DDO: variants seen among roughly 807,000 people sequenced by gnomAD.
DDO encodes the protein D-aspartate oxidase.
In DDO, 16 loss-of-function variants were observed where a neutral mutation model predicts 16.8. That is an observed-to-expected ratio of 0.95 (90% CI 0.65 to 1.45). DDO has a LOEUF of 1.45. DDO is among the 40% of genes most tolerant of loss of function. DDO has a pLI of 0.00. For synonymous variants in DDO, 180 were observed against 167.2 expected (o/e 1.08, Z -0.59); for missense variants, 429 against 420.3 (o/e 1.02, Z -0.18).
intron 4 of DDO, among the ~76,000 whole-genome samples, chr6:110,403,145 T>C (rs1773535770): frequency 6.6e-6 from 1 of 152,182 alleles, no homozygotes; most frequent in Admixed American, 6.5e-5. Flanking sequence ...TCTAAAAATG[T>C]TATGCATTGT....
In DDO at chr6:110,392,507, G is replaced by GT. The variant is rs970531007; in HGVS notation, c.*267dup. 91 of 1,152,942 alleles carry GT rather than the reference G, an allele frequency of 7.9e-5. No individual in the cohort carries two copies. The highest frequency in any genetic ancestry group is 2.1e-4 in the East Asian group (5 of 23,840). 71.4% of individuals were successfully genotyped at this position (1,152,942 alleles called of 1,614,324 possible). A position where few individuals can be genotyped will look rare whatever the true frequency, so the allele number is the denominator to read the frequency against. On this transcript the variant is annotated 3_prime_UTR_variant, in exon 5 of 5. Transcript: ENST00000368924. ...TTGCATCATTTCTTTTGTTGTTGGT[G>GT]TTTTTTTTAGAGGTGGGAACTGGCA...
intron 4 of DDO, among the ~76,000 whole-genome samples, chr6:110,397,325 T>A (rs9400380): frequency 0.32 from 48,185 of 152,144 alleles, 7,850 homozygotes; most frequent in East Asian, 0.41. Context: ...TTATGTTTCA[T>A]TAAGGATGAT....
chr6:110,414,884 G>A (rs933098078), intron 1 of DDO, among the ~76,000 whole-genome samples: 9 of 152,236 alleles, frequency 5.9e-5, no homozygotes, highest in African/African-American at 2.2e-4. Flanking sequence ...TGGAAGGCTG[G>A]GCAGCTTCCT....
chr6:110,410,697 G>A (rs1449679699), intron 2 of DDO, among the ~76,000 whole-genome samples: 7 of 152,074 alleles, frequency 4.6e-5, no homozygotes, highest in Non-Finnish European at 1.0e-4. Context: ...AGCAGCATGG[G>A]GTAACTGTCT....
rs534660482 is a variant in DDO at position 110,411,425 on chromosome 6, C to T, written c.172+1866G>A. On this transcript the variant is annotated intron_variant, in intron 2 of 4. Coordinates refer to ENST00000368924, the MANE Select transcript of DDO (RefSeq NM_001372108.2). ...TTTGGAGATGACAGATACTCAGATA[C>T]TATTCAGGGAGAAAGTTTTTAAAAA... Among the ~76,000 whole-genome samples the T allele has an allele frequency of 2.0e-4, 31 of 152,152 alleles. No homozygotes were observed. In the Middle Eastern group the frequency reaches 0.01, roughly 50 times the overall value.
In DDO at chr6:110,415,568, G is replaced by GAGAGAAAA. The variant is rs760084568; in HGVS notation, c.-107_-106insTTTTCTCT. The GAGAGAAAA allele has an allele frequency of 3.3e-5, 53 of 1,613,182 alleles. No homozygotes were observed. The highest frequency in any genetic ancestry group is 1.3e-5 in the Non-Finnish European group (15 of 1,179,776). On this transcript the variant is annotated 5_prime_UTR_variant, in exon 1 of 5. Transcript: ENST00000368924. ...TCATGCCCTGAGAGACAGAGAGAAA[G>GAGAGAAAA]CGAAACTGATTCCCATTGGTGACTT...
At chr6:110,403,315 A>G (rs1980531) in intron 4 of DDO, among the ~76,000 whole-genome samples, 97,110 of 151,880 alleles carry the variant, frequency 0.64, 31,600 homozygotes, top group East Asian at 0.86. Flanking sequence ...TGATGCCTCA[A>G]TTCCTTATCA....
chr6:110,399,422 G>T (rs1209730075), intron 4 of DDO, among the ~76,000 whole-genome samples: 1 of 152,246 alleles, frequency 6.6e-6, no homozygotes, highest in Non-Finnish European at 1.5e-5. Context: ...AATAGACCCT[G>T]AGTGTGAGGA....
At position 110,399,757 on chromosome 6, in the gene DDO, G is replaced by A. The variant is rs1435367828; in HGVS notation, c.458+5017C>T. 2.6e-5 allele frequency among the ~76,000 whole-genome samples: 4 copies of A among 152,254 alleles called. No homozygotes were observed. In the East Asian group the frequency reaches 7.7e-4, roughly 29 times the overall value. The stretch of plus-strand genomic sequence containing the variant: ...GGCCCCACACCGGGGTCAGGAGGGA[G>A]CCAGGTCTCAGGAGCACAAGGGAGT... On this transcript the variant is annotated intron_variant, in intron 4 of 4. Transcript: ENST00000368924.
chr6:110,392,928 A>G lies in DDO; in HGVS notation c.873T>C (p.Leu291=), dbSNP rs764166706. 3.7e-6 allele frequency: 6 copies of G among 1,614,218 alleles called. No homozygotes were observed. Among genetic ancestry groups the G allele is most frequent in the Non-Finnish European group, 5.1e-6 (6 of 1,180,018 alleles). Residue 291 remains leucine (L), a synonymous_variant, in exon 5 of 5, where the codon CTT becomes CTC. Coordinates refer to ENST00000368924, the MANE Select transcript of DDO (RefSeq NM_001372108.2). ...RPGVRLQTEL[L]ARDGQRLPVV... is the part of the protein sequence containing the mutation. ...CAGGCAGCCTCTGTCCATCTCGCGC[A>G]AGGAGCTCTGTCTGCAGTCGCACGC... is the stretch of plus-strand genomic sequence containing the variant.
intron 4 of DDO, among the ~76,000 whole-genome samples, chr6:110,400,017 C>G (rs1288275888): frequency 6.6e-6 from 1 of 152,212 alleles, no homozygotes; most frequent in Non-Finnish European, 1.5e-5. Flanking sequence ...CCGCCGGTCT[C>G]CGGCCGATGG....
intron 4 of DDO, among the ~76,000 whole-genome samples, chr6:110,402,057 T>G (rs1773502381): frequency 6.6e-6 from 1 of 152,122 alleles, no homozygotes; most frequent in African/African-American, 2.4e-5. Flanking sequence ...AAACCCCAAC[T>G]GAGGGACATT....
intron 4 of DDO, among the ~76,000 whole-genome samples, chr6:110,402,463 G>C (rs1280444628): frequency 6.6e-6 from 1 of 152,080 alleles, no homozygotes; most frequent in African/African-American, 2.4e-5. Flanking sequence ...TCAGGAGTTC[G>C]AGACCAGCCT....
chr6:110,415,376 A>G (rs1774012539), intron 1 of DDO, 91 bp downstream of exon 1: 2 of 1,540,176 alleles, frequency 1.3e-6, no homozygotes, highest in Non-Finnish European at 8.8e-7. Flanking sequence ...TGGCCTGTCC[A>G]TCACTGTCCC....
intron 2 of DDO, among the ~76,000 whole-genome samples, chr6:110,413,085 G>A (rs1773913399): frequency 6.6e-6 from 1 of 152,236 alleles, no homozygotes; most frequent in East Asian, 1.9e-4. Context: ...TGAGGCTGCA[G>A]TGAGCCAAGA....
chr6:110,415,498 C>G lies in DDO; in HGVS notation c.-36G>C, dbSNP rs1774019202. 5 of 1,614,180 alleles carry G rather than the reference C, an allele frequency of 3.1e-6. No homozygotes were observed. In the South Asian group the frequency reaches 5.5e-5, roughly 18 times the overall value. On this transcript the variant is annotated 5_prime_UTR_variant, in exon 1 of 5. Coordinates refer to ENST00000368924, the MANE Select transcript of DDO (RefSeq NM_001372108.2). Reference sequence around the variant, plus strand: ...CTGAAAAAGCAGTCTTGGAAGCCACCAAAATCTCTGGCACCAAACCTTGTT... The same window carrying G: ...CTGAAAAAGCAGTCTTGGAAGCCACGAAAATCTCTGGCACCAAACCTTGTT...
rs374639603 is a variant in DDO at position 110,408,403 on chromosome 6, G to A, written c.212C>T (p.Thr71Ile). ...GGCAATTGCAAAGAGGTGATTAAAG[G>A]TTTCTCTGAACCACTGCTTCTGCGT... ...IHTQKQWFRE[T>I]FNHLFAIANS... The change falls in exon 3 of 5, where the codon ACC becomes ATC. Residue 71 changes from threonine to isoleucine, a missense_variant. Thr to Ile is a moderately conservative substitution (Grantham distance 89). Coordinates refer to ENST00000368924, the MANE Select transcript of DDO (RefSeq NM_001372108.2). 1.4e-5 allele frequency: 23 copies of A among 1,614,048 alleles called. No individual in the cohort carries two copies. The East Asian group carries it at 2.0e-4, about 14-fold the overall frequency.
At chr6:110,391,062 T>C (rs551998030), downstream of DDO, among the ~76,000 whole-genome samples, 3 of 152,342 alleles carry the variant, frequency 2.0e-5, no homozygotes, top group South Asian at 6.2e-4. Context: ...GAGCCCACAC[T>C]TGATTTTACT....
chr6:110,410,509 C>T (rs142660797), intron 2 of DDO, among the ~76,000 whole-genome samples: 42 of 152,322 alleles, frequency 2.8e-4, no homozygotes, highest in South Asian at 1.0e-3. Flanking sequence ...AATTGACTCA[C>T]GGTTCAGCAT....
Sources: allele counts gnomAD v4.1 joint callset (sites outside exome capture counted in the v4.1 genomes callset), GRCh38; gene constraint gnomAD v4.1.1; transcripts MANE v1.5; gene names NCBI Gene and HGNC (gene_info 2026-07-23, HGNC 2026-07-21).